Variants in ST6GAL2 observed in about 807,000 individuals in gnomAD.
ST6GAL2 encodes beta-galactoside alpha-2,6-sialyltransferase 2.
In ST6GAL2, 24 loss-of-function variants were observed where a neutral mutation model predicts 37.5. The ratio of observed to expected loss-of-function variants is 0.64; its 90% CI spans 0.46 to 0.90. The LOEUF is 0.90. ST6GAL2 is among the 40% of genes least tolerant of loss of function. The pLI is 0.00. For missense variants in ST6GAL2, 715 were observed against 712.7 expected, an observed-to-expected ratio of 1.00 and a Z score of -0.04; for synonymous variants, 306 against 295.1, an observed-to-expected ratio of 1.04 and a Z score of -0.38.
chr2:106,864,069 G>A (rs769171745), intron 1 of ST6GAL2, among the ~76,000 whole-genome samples: 23 of 152,196 alleles, frequency 1.5e-4, no homozygotes, highest in Admixed American at 3.3e-4. Context: ...GGGATCCAGG[G>A]AGTAAAAGCC....
intron 1 of ST6GAL2, among the ~76,000 whole-genome samples, chr2:106,863,703 C>A (rs1453888177): frequency 6.6e-6 from 1 of 152,196 alleles, no homozygotes; most frequent in African/African-American, 2.4e-5. Flanking sequence ...CCCCAGTTCT[C>A]CCAACTGTAA....
intron 1 of ST6GAL2, among the ~76,000 whole-genome samples, chr2:106,846,958 C>T (rs1482310777): frequency 2.0e-5 from 3 of 152,104 alleles, no homozygotes; most frequent in Non-Finnish European, 4.4e-5. Context: ...TGCCCAGGAC[C>T]ACAGAGCTAG....
At chr2:106,857,063 A>G (rs947461247) in intron 1 of ST6GAL2, among the ~76,000 whole-genome samples, 13 of 152,192 alleles carry the variant, frequency 8.5e-5, no homozygotes, top group African/African-American at 3.1e-4. Context: ...GTGCAGATGG[A>G]AGCTGTTTGC....
At chr2:106,831,080 G>T (rs1408346078) in intron 4 of ST6GAL2, among the ~76,000 whole-genome samples, 2 of 152,094 alleles carry the variant, frequency 1.3e-5, no homozygotes, top group Non-Finnish European at 2.9e-5. Flanking sequence ...AGACATCAGG[G>T]GTATATAATG....
intron 1 of ST6GAL2, among the ~76,000 whole-genome samples, chr2:106,847,821 A>G (rs1347818269): frequency 6.6e-6 from 1 of 152,130 alleles, no homozygotes; most frequent in African/African-American, 2.4e-5. Flanking sequence ...TCCCTGTGGA[A>G]TCTGAGTGTA....
intron 1 of ST6GAL2, among the ~76,000 whole-genome samples, chr2:106,865,525 G>A (rs1024730502): frequency 1.3e-5 from 2 of 152,164 alleles, no homozygotes; most frequent in African/African-American, 2.4e-5. Context: ...GAAAACACCC[G>A]GTCAGCAGGT....
intron 1 of ST6GAL2, 77 bp from the exon 2 acceptor site, chr2:106,844,111 AG>A: frequency 1.5e-6 from 1 of 685,352 alleles, no homozygotes; most frequent in South Asian, 2.4e-5. Context: ...TATCTTGAGC[AG>A]TGTTTCTGTA....
At chr2:106,831,414 C>G (rs920878093) in intron 4 of ST6GAL2, among the ~76,000 whole-genome samples, 2 of 152,220 alleles carry the variant, frequency 1.3e-5, no homozygotes, top group African/African-American at 4.8e-5. Flanking sequence ...TAGAAACTCT[C>G]AAGTCTGTTC....
intron 1 of ST6GAL2, among the ~76,000 whole-genome samples, chr2:106,866,822 T>G (rs1290859871): frequency 6.6e-6 from 1 of 152,200 alleles, no homozygotes; most frequent in Non-Finnish European, 1.5e-5. Context: ...AGAATTAGTT[T>G]TTGGCAGTGT....
chr2:106,831,556 C>G (rs992673801), intron 4 of ST6GAL2, among the ~76,000 whole-genome samples: 5 of 152,082 alleles, frequency 3.3e-5, no homozygotes, highest in African/African-American at 1.2e-4. Context: ...AGAGCCCTCT[C>G]AAAAAATATA....
At chr2:106,880,546 T>C (rs1402431996) in intron 1 of ST6GAL2, among the ~76,000 whole-genome samples, 1 of 152,236 alleles carries the variant, frequency 6.6e-6, no homozygotes, top group Admixed American at 6.5e-5. Context: ...TCTGCTATTG[T>C]CATAAAGAAC....
Position 106,843,090 on chromosome 2 carries a change from G to A in ST6GAL2, c.888C>T (p.Cys296=), listed in dbSNP as rs925190405. 3 of 1,512,214 alleles carry A rather than the reference G, an allele frequency of 2.0e-6. No homozygotes were observed. The highest frequency in any genetic ancestry group is 2.4e-5 in the Admixed American group (1 of 41,694). 93.7% of individuals were successfully genotyped at this position (1,512,214 alleles called of 1,614,324 possible). The part of the protein sequence containing the change: ...SQLHPRGLRS[C]AVVMSAGAIL... ...TTGCGCCTGCAGACATGACGACAGC[G>A]CAGCTGCGCAGGCCGCGGGGGTGCA... The change falls in exon 2 of 6, where the codon TGC becomes TGT. Residue 296 remains cysteine (C), a synonymous_variant. Coordinates refer to ENST00000409382, the MANE Select transcript of ST6GAL2 (RefSeq NM_001142351.2).
At chr2:106,866,415 C>T (rs1339701412) in intron 1 of ST6GAL2, among the ~76,000 whole-genome samples, 5 of 152,198 alleles carry the variant, frequency 3.3e-5, no homozygotes, top group Non-Finnish European at 7.3e-5. Flanking sequence ...TCCTGTCCAT[C>T]GTTCCTTGCT....
At chr2:106,845,218 G>A (rs1378924299) in intron 1 of ST6GAL2, among the ~76,000 whole-genome samples, 2 of 152,168 alleles carry the variant, frequency 1.3e-5, no homozygotes, top group African/African-American at 4.8e-5. Context: ...AGACCATTTG[G>A]GGAAAACATA....
chr2:106,836,373 A>C (rs1452510481), intron 2 of ST6GAL2, among the ~76,000 whole-genome samples: 2 of 152,174 alleles, frequency 1.3e-5, no homozygotes, highest in East Asian at 3.9e-4. Context: ...TTTGATACCT[A>C]ACAAGACTCT....
chr2:106,868,908 T>C lies in ST6GAL2; in HGVS notation c.-58+17185A>G, dbSNP rs531724402. Reference sequence around the variant, plus strand: ...TATGAAATGCATCATTGAGGGAGTGTCATTACATTCTGCTCTAAGCTGGTG... The same window carrying C: ...TATGAAATGCATCATTGAGGGAGTGCCATTACATTCTGCTCTAAGCTGGTG... On this transcript the variant is annotated intron_variant, in intron 1 of 5. Transcript: ENST00000409382. Among the ~76,000 whole-genome samples the C allele has an allele frequency of 5.3e-5, 8 of 152,214 alleles. No individual in the cohort carries two copies. The East Asian group carries it at 1.5e-3, about 29-fold the overall frequency.
intron 1 of ST6GAL2, among the ~76,000 whole-genome samples, chr2:106,854,863 T>A (rs1677510998): frequency 6.6e-6 from 1 of 151,938 alleles, no homozygotes; most frequent in Non-Finnish European, 1.5e-5. Context: ...TCATGTTTCA[T>A]GTTTCTCAAA....
chr2:106,865,243 C>T (rs1213837974), intron 1 of ST6GAL2, among the ~76,000 whole-genome samples: 1 of 152,188 alleles, frequency 6.6e-6, no homozygotes, highest in Admixed American at 6.5e-5. Context: ...TACAAGCCAA[C>T]TCCAGCACAC....
chr2:106,884,806 T>C (rs1447514991), intron 1 of ST6GAL2, among the ~76,000 whole-genome samples: 2 of 150,734 alleles, frequency 1.3e-5, no homozygotes, highest in South Asian at 2.1e-4. Context: ...TGGTTGTCAG[T>C]TCCAGAAAAA....
Sources: allele counts gnomAD v4.1 joint callset (sites outside exome capture counted in the v4.1 genomes callset), GRCh38; gene constraint gnomAD v4.1.1; transcripts MANE v1.5; gene names NCBI Gene and HGNC (gene_info 2026-07-23, HGNC 2026-07-21).